CLCN6: variants seen among roughly 807,000 people sequenced by gnomAD.
The protein encoded by CLCN6 is H(+)/Cl(-) exchange transporter 6.
CLCN6 carries 70 observed loss-of-function variants against 109.8 expected under a neutral mutation model. That is an observed-to-expected ratio of 0.64 (90% CI 0.53 to 0.78). CLCN6 has a LOEUF of 0.78. CLCN6 is among the 30% of genes least tolerant of loss of function. The pLI is 0.00. For synonymous variants in CLCN6, 444 were observed against 447.8 expected, an observed-to-expected ratio of 0.99 and a Z score of 0.11; for missense variants, 984 against 1,142.3, an observed-to-expected ratio of 0.86 and a Z score of 2.00.
At chr1:11,827,779 G>A (rs867846430) in intron 10 of CLCN6, among the ~76,000 whole-genome samples, 1 of 152,338 alleles carries the variant, frequency 6.6e-6, no homozygotes, top group South Asian at 2.1e-4. Flanking sequence ...AGGAAGTGAT[G>A]GGGCTTGGAC....
At chr1:11,816,007 T>C in intron 3 of CLCN6, 96 bp downstream of exon 3, 4 of 929,168 alleles carry the variant, frequency 4.3e-6, no homozygotes, top group Non-Finnish European at 7.1e-6. Context: ...CTTTACACCT[T>C]GTTTTTTGAA....
chr1:11,838,182 G>C (rs545370242), intron 20 of CLCN6, among the ~76,000 whole-genome samples, 153 bp from the exon 21 acceptor site: 9 of 152,330 alleles, frequency 5.9e-5, no homozygotes, highest in African/African-American at 2.2e-4. Flanking sequence ...GGTTTGACTG[G>C]AGAGCTCTCA....
At chr1:11,816,822 C>A in intron 4 of CLCN6, 142 bp downstream of exon 4, 1 of 527,260 alleles carries the variant, frequency 1.9e-6, no homozygotes, top group Non-Finnish European at 3.2e-6. Flanking sequence ...TCATTATAAT[C>A]AAGAGTGCCT....
Position 11,834,078 on chromosome 1 carries a change from G to C in CLCN6, c.1526+48G>C. The stretch of plus-strand genomic sequence containing the variant: ...TGTGCGCATGTGCATGTGTGTGCAC[G>C]TGTGCGTGTGTATGCATGTGTGTGC... On this transcript the variant is annotated intron_variant, in intron 15 of 22. Transcript: ENST00000346436. The surrounding 1 kb of genome is among the most constrained non-coding windows in gnomAD (Gnocchi z 4.5). 4 of 1,601,274 alleles carry C rather than the reference G, an allele frequency of 2.5e-6. No homozygotes were observed. The highest frequency in any genetic ancestry group is 3.4e-6 in the Non-Finnish European group (4 of 1,172,464).
At chr1:11,838,207 C>A in intron 20 of CLCN6, 128 bp from the exon 21 acceptor site, 1 of 820,448 alleles carries the variant, frequency 1.2e-6, no homozygotes, top group African/African-American at 1.7e-5. Context: ...GGAGCGCTTG[C>A]TGCTGCTGCA....
intron 13 of CLCN6, 127 bp from the exon 14 acceptor site, chr1:11,833,388 G>A (rs1644903660): frequency 2.4e-6 from 2 of 849,972 alleles, no homozygotes; most frequent in Admixed American, 4.1e-5. Flanking sequence ...GTAGAGGTCA[G>A]TTTTTGGCCT....
rs973397317 is a variant in CLCN6, at chr1:11,828,353, G to A, written c.955-105G>A. The stretch of plus-strand genomic sequence containing the variant: ...CACATCTCACCCATTAGCCTCTGCC[G>A]TGCGGGAAAGCAGCCCCACTCTTGC... On this transcript the variant is annotated intron_variant, in intron 11 of 22. Transcript: ENST00000346436. 111 of 1,481,848 alleles carry A rather than the reference G, an allele frequency of 7.5e-5. 1 individual carries two copies. The South Asian group carries it at 1.0e-3, about 14-fold the overall frequency. The allele number at this position is 1,481,848 out of a possible 1,614,324, so 91.8% of individuals were successfully genotyped here.
At chr1:11,816,919 C>T (rs1372851954) in intron 4 of CLCN6, among the ~76,000 whole-genome samples, 3 of 151,040 alleles carry the variant, frequency 2.0e-5, no homozygotes, top group Non-Finnish European at 4.4e-5. Flanking sequence ...GAAATGAAAG[C>T]GAGACACATG....
rs371736977 is a variant in CLCN6, at chr1:11,838,492, C to T, written c.2404-43C>T. 2.9e-5 allele frequency: 47 copies of T among 1,606,892 alleles called. No individual in the cohort carries two copies. The African/African-American group carries it at 4.9e-4, about 17-fold the overall frequency. ...CCCATGCGGAGCTGCCTCTTCATGCCGTTGGCGTCTCAGGCAGTCAGTGAC... is the reference window on the plus strand; with the variant it reads ...CCCATGCGGAGCTGCCTCTTCATGCTGTTGGCGTCTCAGGCAGTCAGTGAC... On this transcript the variant is annotated intron_variant, in intron 21 of 22. Coordinates refer to ENST00000346436, the MANE Select transcript of CLCN6 (RefSeq NM_001286.5).
rs71585869 is a variant in CLCN6, at chr1:11,830,783, TACACACACACAC to T, written c.1248+1481_1248+1492del. On this transcript the variant is annotated intron_variant, in intron 13 of 22. Transcript: ENST00000346436. ...TATATATACACACACACACTATATATACACACACACACACACACACACACACACACAAACACA... is the reference window on the plus strand; with the variant it reads ...TATATATACACACACACACTATATATACACACACACACACACACAAACACA... Among the ~76,000 whole-genome samples the T allele has an allele frequency of 6.7e-4, 93 of 137,844 alleles. 1 individual carries two copies. Among genetic ancestry groups the T allele is most frequent in the African/African-American group, 2.6e-3 (91 of 34,792 alleles). 90.4% of individuals were successfully genotyped at this position (137,844 alleles called of 152,430 possible).
chr1:11,839,097 T>C, intron 22 of CLCN6: 1 of 588,198 alleles, frequency 1.7e-6, no homozygotes, highest in Non-Finnish European at 3.0e-6. Context: ...TTCATTATTT[T>C]CTTATTACAC....
rs1441576394 is a variant in CLCN6, at chr1:11,815,885, G to A, written c.187G>A (p.Glu63Lys). 1 of 1,613,842 alleles carries A rather than the reference G, an allele frequency of 6.2e-7. No individual in the cohort carries two copies. Among genetic ancestry groups the A allele is most frequent in the South Asian group, 1.1e-5 (1 of 91,078 alleles). Residue 63 changes from glutamate (E) to lysine (K), a missense_variant, in exon 3 of 23, where the codon GAA becomes AAA. Physicochemically the swap from Glu to Lys is moderately conservative, Grantham distance 56. Coordinates refer to ENST00000346436, the MANE Select transcript of CLCN6 (RefSeq NM_001286.5). ...TCGCTGTATCAATGACCCTTACCTGGAAGTTTTGGAGACCATGGATAATAA... is the reference window on the plus strand; with the variant it reads ...TCGCTGTATCAATGACCCTTACCTGAAAGTTTTGGAGACCATGGATAATAA... ...YDRCINDPYL[E>K]VLETMDNKKG...
intron 22 of CLCN6, 33 bp from the exon 23 acceptor site, chr1:11,840,110 C>T (rs1207363340): frequency 6.3e-6 from 10 of 1,593,186 alleles, no homozygotes; most frequent in Non-Finnish European, 7.7e-6. Flanking sequence ...GGGTTTTACC[C>T]TGAAGGTGAC....
chr1:11,816,952 C>T (rs1644681322), intron 4 of CLCN6, among the ~76,000 whole-genome samples: 1 of 151,566 alleles, frequency 6.6e-6, no homozygotes, highest in Non-Finnish European at 1.5e-5. Context: ...TTGAAGCGCT[C>T]AAAGGTTTGG....
At chr1:11,811,329 A>G (rs1026234277) in intron 2 of CLCN6, among the ~76,000 whole-genome samples, 4 of 152,088 alleles carry the variant, frequency 2.6e-5, no homozygotes, top group African/African-American at 7.2e-5. Context: ...GTACAATTCA[A>G]TGGGGTTTTA....
In CLCN6 at chr1:11,842,360, G is replaced by A. The variant is rs774737263; in HGVS notation, c.*2137G>A. 2 of 152,664 alleles carry A rather than the reference G, an allele frequency of 1.3e-5. No homozygotes were observed. The highest frequency in any genetic ancestry group is 2.1e-4 in the South Asian group (1 of 4,834). 9.5% of individuals were successfully genotyped at this position (152,664 alleles called of 1,614,324 possible). ...CCTCCCTCCCCTAAACTGACTGGAC[G>A]GCTGCCAAGGAGGCCCCAAACCCAG... On this transcript the variant is annotated 3_prime_UTR_variant, in exon 23 of 23. Coordinates refer to ENST00000346436, the MANE Select transcript of CLCN6 (RefSeq NM_001286.5).
chr1:11,806,925 T>C, intron 1 of CLCN6: 1 of 574,062 alleles, frequency 1.7e-6, no homozygotes, highest in Non-Finnish European at 3.1e-6. Context: ...TTGGAGACTA[T>C]CAGTGGAAAT....
rs571346696 is a variant in CLCN6, at chr1:11,812,151, A to G, written c.148-3695A>G. Among the ~76,000 whole-genome samples the G allele has an allele frequency of 2.4e-3, 368 of 152,254 alleles. 4 individuals are homozygous for G. The highest frequency in any genetic ancestry group is 3.7e-3 in the Non-Finnish European group (253 of 68,014). The stretch of plus-strand genomic sequence containing the variant: ...TAGTAGGTTGTCACCTGCATTTCTC[A>G]GCAGCTGGCAGTGAATTGAAGGTTC... On this transcript the variant is annotated intron_variant, in intron 2 of 22. Coordinates refer to ENST00000346436, the MANE Select transcript of CLCN6 (RefSeq NM_001286.5).
chr1:11,816,626 A>T lies in CLCN6; in HGVS notation c.225A>T (p.Arg75Ser). Residue 75 changes from arginine to serine, a missense_variant, in exon 4 of 23, where the codon AGA becomes AGT. Physicochemically the swap from Arg to Ser is moderately radical, Grantham distance 110. Transcript: ENST00000346436. ...LETMDNKKGR[R>S]YEAVKWMVVF... ...TCCTGTGTGAACAGAAAGGTCGAAG[A>T]TATGAGGCGGTGAAGTGGATGGTGG... The T allele has an allele frequency of 6.2e-7, 1 of 1,613,102 alleles. No individual in the cohort carries two copies. Among genetic ancestry groups the T allele is most frequent in the Non-Finnish European group, 8.5e-7 (1 of 1,179,522 alleles).
Sources: allele counts gnomAD v4.1 joint callset (sites outside exome capture counted in the v4.1 genomes callset), GRCh38; gene constraint gnomAD v4.1.1; non-coding constraint Gnocchi (gnomAD v3.1); transcripts MANE v1.5; gene names NCBI Gene and HGNC (gene_info 2026-07-23, HGNC 2026-07-21).